Variants in NUP93 observed in about 807,000 individuals in gnomAD.
NUP93 encodes nucleoporin 93.
Under a neutral mutation model 107.8 loss-of-function variants are expected in NUP93, and 55 were observed. The ratio of observed to expected loss-of-function variants is 0.51; its 90% CI spans 0.41 to 0.64. NUP93 has a LOEUF of 0.64. Among genes scored for constraint, NUP93 ranks in the 30% least tolerant of loss-of-function variants. The pLI, the probability that NUP93 is intolerant of heterozygous loss-of-function variation, is 0.00. For missense variants in NUP93, 937 were observed against 1,044.7 expected (o/e 0.90, Z 1.42); for synonymous variants, 390 against 397.5 (o/e 0.98, Z 0.22).
Position 56,846,401 on chromosome 16 carries a change from C to T in NUP93, c.*1792C>T, listed in dbSNP as rs1344758912. 6.6e-6 allele frequency: 1 copy of T among 151,068 alleles called. No individual in the cohort carries two copies. Among genetic ancestry groups the T allele is most frequent in the African/African-American group, 2.4e-5 (1 of 40,984 alleles). 9.4% of individuals were successfully genotyped at this position (151,068 alleles called of 1,614,324 possible). A position where few individuals can be genotyped will look rare whatever the true frequency, so the allele number is the denominator to read the frequency against. The stretch of plus-strand genomic sequence containing the variant: ...CCAGCCTGGGTGAAAGAGCGATACT[C>T]CGTCTCAAAAAAATAAAGAGTACTC... On this transcript the variant is annotated 3_prime_UTR_variant, in exon 22 of 22. Coordinates refer to ENST00000308159, the MANE Select transcript of NUP93 (RefSeq NM_014669.5).
chr16:56,763,482 TTGTGTGTGTGTG>T lies in NUP93; in HGVS notation c.297+4832_297+4843del, dbSNP rs531810469. On this transcript the variant is annotated intron_variant, in intron 3 of 21. Coordinates refer to ENST00000308159, the MANE Select transcript of NUP93 (RefSeq NM_014669.5). ...ATTTTTCCAAGGTAGAAGGAACTGC[TTGTGTGTGTGTG>T]TGTGGGTGGGTGTGTGTGTGTATGT... is the stretch of plus-strand genomic sequence containing the variant. Among the ~76,000 whole-genome samples, 5 of 150,454 alleles carry T rather than the reference TTGTGTGTGTGTG, an allele frequency of 3.3e-5. No homozygotes were observed. The South Asian group carries it at 1.0e-3, about 32-fold the overall frequency.
chr16:56,844,628 G>T lies in NUP93; in HGVS notation c.*19G>T, dbSNP rs1964089980. On this transcript the variant is annotated 3_prime_UTR_variant, in exon 22 of 22. Coordinates refer to ENST00000308159, the MANE Select transcript of NUP93 (RefSeq NM_014669.5). ...GAATTAAGTGCCATGCTTTGTGGGA[G>T]TCTGGGTCGGCACACTGTCAGTACA... The T allele has an allele frequency of 1.3e-6, 2 of 1,551,052 alleles. No individual in the cohort carries two copies.
chr16:56,829,978 G>C (rs1222403979), intron 9 of NUP93, among the ~76,000 whole-genome samples: 4 of 152,238 alleles, frequency 2.6e-5, no homozygotes, highest in Admixed American at 2.6e-4. Flanking sequence ...GGCAAAACCA[G>C]ACTTGGGATA....
At chr16:56,736,154 A>G (rs1336023295) in intron 1 of NUP93, among the ~76,000 whole-genome samples, 3 of 152,216 alleles carry the variant, frequency 2.0e-5, no homozygotes, top group Non-Finnish European at 4.4e-5. Flanking sequence ...ACATGGTGAA[A>G]CACCATCTCT....
chr16:56,839,204 C>T, intron 19 of NUP93, 135 bp downstream of exon 19: 1 of 433,822 alleles, frequency 2.3e-6, no homozygotes, highest in South Asian at 3.9e-5. Context: ...AAGTACAATC[C>T]TGGGACTTAA....
At chr16:56,741,562 AC>A (rs1961740183) in intron 1 of NUP93, among the ~76,000 whole-genome samples, 2 of 152,200 alleles carry the variant, frequency 1.3e-5, no homozygotes, top group African/African-American at 4.8e-5. Flanking sequence ...GTTATTAAAA[AC>A]AGTACTGTTT....
At chr16:56,823,604 C>G (rs1963594235) in intron 7 of NUP93, 103 bp from the exon 8 acceptor site, 2 of 1,336,874 alleles carry the variant, frequency 1.5e-6, no homozygotes, top group Non-Finnish European at 2.1e-6. Flanking sequence ...TTAACCTCAT[C>G]CCCCACCACA....
intron 1 of NUP93, among the ~76,000 whole-genome samples, chr16:56,737,838 G>T (rs577698668): frequency 6.6e-6 from 1 of 152,164 alleles, no homozygotes; most frequent in Admixed American, 6.5e-5. Flanking sequence ...GTTAGAATCC[G>T]CACACCTTCT....
chr16:56,763,615 C>T (rs1962167975), intron 3 of NUP93, among the ~76,000 whole-genome samples: 1 of 151,860 alleles, frequency 6.6e-6, no homozygotes, highest in African/African-American at 2.4e-5. Context: ...CTGGAACATC[C>T]AAGCCCTAAT....
intron 8 of NUP93, among the ~76,000 whole-genome samples, chr16:56,824,970 C>T (rs771488306): frequency 6.6e-6 from 1 of 152,116 alleles, no homozygotes; most frequent in Non-Finnish European, 1.5e-5. Context: ...AATCTTCAGC[C>T]ATAAAGAACC....
At position 56,823,763 on chromosome 16, in the gene NUP93, G is replaced by A. The variant is rs368021997; in HGVS notation, c.711G>A (p.Pro237=). 14 of 1,614,034 alleles carry A rather than the reference G, an allele frequency of 8.7e-6. No individual in the cohort carries two copies. The highest frequency in any genetic ancestry group is 4.5e-5 in the East Asian group (2 of 44,894). The change falls in exon 8 of 22, where the codon CCG becomes CCA. Residue 237 remains proline (P), a synonymous_variant. Transcript: ENST00000308159. ...AAATGACAGACGTGTTGTTGACACCGGCAACGGATGCCCTGAAGAACCGCA... is the reference window on the plus strand; with the variant it reads ...AAATGACAGACGTGTTGTTGACACCAGCAACGGATGCCCTGAAGAACCGCA... ...VKQMTDVLLT[P]ATDALKNRSS...
intron 5 of NUP93, among the ~76,000 whole-genome samples, chr16:56,811,257 T>A (rs1197735016): frequency 6.6e-6 from 1 of 152,250 alleles, no homozygotes; most frequent in Non-Finnish European, 1.5e-5. Flanking sequence ...TTGTTCCATA[T>A]CCTTGCCACA....
intron 20 of NUP93, 103 bp from the exon 21 acceptor site, chr16:56,841,602 G>A (rs1319208869): frequency 1.4e-6 from 2 of 1,410,758 alleles, no homozygotes; most frequent in Admixed American, 2.0e-5. Flanking sequence ...ATGGTGAGGA[G>A]TGGTGCAACC....
intron 3 of NUP93, among the ~76,000 whole-genome samples, chr16:56,787,498 CCTGA>C (rs1246189733): frequency 1.3e-5 from 2 of 152,340 alleles, no homozygotes; most frequent in African/African-American, 2.4e-5. Context: ...TCAGCTCCTA[CCTGA>C]CTGACTGCGA....
intron 3 of NUP93, among the ~76,000 whole-genome samples, chr16:56,792,617 G>A (rs113093946): frequency 1.3e-4 from 20 of 152,334 alleles, no homozygotes; most frequent in African/African-American, 4.1e-4. Flanking sequence ...TTGAGAGACA[G>A]TAGCTTTGGG....
At chr16:56,742,710 C>T (rs1180155389) in intron 1 of NUP93, among the ~76,000 whole-genome samples, 1 of 152,188 alleles carries the variant, frequency 6.6e-6, no homozygotes, top group African/African-American at 2.4e-5. Flanking sequence ...TCTTTTGTAG[C>T]TTCCTTTGTT....
At position 56,783,766 on chromosome 16, in the gene NUP93, G is replaced by A. The variant is rs979472862; in HGVS notation, c.298-14710G>A. On this transcript the variant is annotated intron_variant, in intron 3 of 21. Transcript: ENST00000308159. ...TTACATTAGGTTCCATGGCACAGGA[G>A]CTTTGTTACTGTAAAACTAAGAAAA... 7 of 985,296 alleles carry A rather than the reference G, an allele frequency of 7.1e-6. No individual in the cohort carries two copies. In the South Asian group the frequency reaches 2.3e-4, roughly 33 times the overall value. 61.0% of individuals were successfully genotyped at this position (985,296 alleles called of 1,614,324 possible). A position where few individuals can be genotyped will look rare whatever the true frequency, so the allele number is the denominator to read the frequency against.
chr16:56,808,962 G>T (rs1381399779), intron 5 of NUP93, among the ~76,000 whole-genome samples: 1 of 151,528 alleles, frequency 6.6e-6, no homozygotes, highest in Non-Finnish European at 1.5e-5. Context: ...GTACTTTCTT[G>T]TGTAAATTTG....
At chr16:56,751,514 T>G (rs868687243) in intron 2 of NUP93, among the ~76,000 whole-genome samples, 49 of 152,324 alleles carry the variant, frequency 3.2e-4, no homozygotes, top group Admixed American at 3.3e-4. Context: ...CAAATCCAAC[T>G]TAGTAGGAAT....
Sources: allele counts gnomAD v4.1 joint callset (sites outside exome capture counted in the v4.1 genomes callset), GRCh38; gene constraint gnomAD v4.1.1; transcripts MANE v1.5; gene names NCBI Gene and HGNC (gene_info 2026-07-23, HGNC 2026-07-21).